The following WDR1 variants were observed in gnomAD, a reference collection of about 807,000 sequenced individuals.
WDR1 encodes the protein WD repeat domain 1.
WDR1 carries 21 observed loss-of-function variants against 71.9 expected under a neutral mutation model. The ratio of observed to expected loss-of-function variants is 0.29; its 90% confidence interval spans 0.21 to 0.42. The LOEUF is 0.42. WDR1 is among the 10% of genes least tolerant of loss of function. The probability of loss-of-function intolerance (pLI) is 1.00; values close to 1 mark genes in which losing one functional copy is unlikely to be tolerated. For missense variants in WDR1, 696 were observed against 824.5 expected, an observed-to-expected ratio of 0.84 and a Z score of 1.91; for synonymous variants, 424 against 347.4, an observed-to-expected ratio of 1.22 and a Z score of -2.45.
intron 2 of WDR1, among the ~76,000 whole-genome samples, chr4:10,112,831 T>C (rs1713466687): frequency 6.6e-6 from 1 of 152,208 alleles, no homozygotes; most frequent in Admixed American, 6.5e-5. Context: ...GACACTCTCT[T>C]AGGCGAGGAC....
intron 6 of WDR1, 119 bp downstream of exon 6, chr4:10,088,545 G>T (rs746146721): frequency 8.9e-7 from 1 of 1,127,210 alleles, no homozygotes; most frequent in Admixed American, 2.0e-5. Context: ...GCAGATGTGG[G>T]GAGGGCGATG....
intron 2 of WDR1, among the ~76,000 whole-genome samples, chr4:10,111,514 C>T (rs775179354): frequency 6.6e-5 from 10 of 152,336 alleles, no homozygotes; most frequent in African/African-American, 9.6e-5. Flanking sequence ...GATAATCCAA[C>T]GCACCACTTC....
At chr4:10,094,062 G>C (rs1290895243) in intron 5 of WDR1, among the ~76,000 whole-genome samples, 1 of 152,194 alleles carries the variant, frequency 6.6e-6, no homozygotes, top group Non-Finnish European at 1.5e-5. Context: ...TGGAACAGAG[G>C]GAGCAGTGGC....
chr4:10,100,517 G>A (rs931984361), intron 3 of WDR1, among the ~76,000 whole-genome samples: 3 of 152,244 alleles, frequency 2.0e-5, no homozygotes, highest in Non-Finnish European at 2.9e-5. Context: ...GACACAGCCC[G>A]AGCCTAGACT....
intron 12 of WDR1, among the ~76,000 whole-genome samples, chr4:10,078,452 C>T (rs1764882614): frequency 1.3e-5 from 2 of 152,194 alleles, no homozygotes; most frequent in Non-Finnish European, 2.9e-5. Flanking sequence ...CTGGTTAGTA[C>T]CGCACCTTGA....
chr4:10,084,465 A>G lies in WDR1; in HGVS notation c.1017T>C (p.Ser339=). Residue 339 remains serine (S), a synonymous_variant, in exon 9 of 15, where the codon TCT becomes TCC. Transcript: ENST00000499869. ...HKNGGKSYIY[S]GSHDGHINYW... ...TATTAATGTGTCCGTCGTGGCTCCC[A>G]GAGTAAATGTAGGACTTGCCGCCGT... 1 of 1,613,802 alleles carries G rather than the reference A, an allele frequency of 6.2e-7. No individual in the cohort carries two copies. The highest frequency in any genetic ancestry group is 8.5e-7 in the Non-Finnish European group (1 of 1,179,788).
intron 5 of WDR1, chr4:10,092,815 G>A: frequency 2.9e-6 from 1 of 346,780 alleles, no homozygotes; most frequent in Non-Finnish European, 5.8e-6. Context: ...AGGGGCAGCA[G>A]CTTCCTGAGG....
intron 14 of WDR1, chr4:10,076,803 A>G (rs1415673069): frequency 6.4e-6 from 1 of 155,930 alleles, no homozygotes; most frequent in African/African-American, 2.4e-5. Flanking sequence ...TTTGGACAAC[A>G]CAGAGCTGCC....
intron 2 of WDR1, among the ~76,000 whole-genome samples, chr4:10,105,181 A>C (rs1004892910): frequency 2.6e-5 from 4 of 151,900 alleles, no homozygotes; most frequent in East Asian, 1.9e-4. Flanking sequence ...ATCCGTATCA[A>C]CTCTTCTGTG....
chr4:10,102,761 T>C (rs569516595), intron 3 of WDR1, among the ~76,000 whole-genome samples: 3 of 152,270 alleles, frequency 2.0e-5, no homozygotes, highest in Non-Finnish European at 2.9e-5. Flanking sequence ...GGTACAAGCA[T>C]AGGGCCACGG....
chr4:10,115,956 TTCCGGGGC>T, intron 2 of WDR1, 149 bp downstream of exon 2: 1 of 996,632 alleles, frequency 1.0e-6, no homozygotes, highest in Middle Eastern at 3.3e-4. Flanking sequence ...TGAGGCCGGC[TTCCGGGGC>T]TCCGAGGTGT....
chr4:10,100,724 G>A (rs922125904), intron 3 of WDR1, among the ~76,000 whole-genome samples: 3 of 152,204 alleles, frequency 2.0e-5, no homozygotes, highest in African/African-American at 7.2e-5. Context: ...AAGGTGACCT[G>A]GAGATCTGCT....
intron 2 of WDR1, among the ~76,000 whole-genome samples, chr4:10,114,914 G>A (rs1473827471): frequency 6.6e-6 from 1 of 152,228 alleles, no homozygotes; most frequent in East Asian, 1.9e-4. Flanking sequence ...TAACGAGACA[G>A]ATGCGGGCAG....
intron 11 of WDR1, among the ~76,000 whole-genome samples, chr4:10,079,555 C>T (rs1764936142): frequency 6.6e-6 from 1 of 152,372 alleles, no homozygotes; most frequent in East Asian, 1.9e-4. Flanking sequence ...GCCTCTGGTA[C>T]ATGCAGCAGA....
intron 2 of WDR1, chr4:10,106,616 C>A (rs1384477447): frequency 6.6e-6 from 1 of 152,250 alleles, no homozygotes; most frequent in Non-Finnish European, 1.5e-5. Context: ...GATGCCTGGG[C>A]AGGGGCATGA....
chr4:10,114,518 C>G (rs369475748), intron 2 of WDR1, among the ~76,000 whole-genome samples: 1 of 152,228 alleles, frequency 6.6e-6, no homozygotes. Context: ...AGGCCCCCTC[C>G]CTGGAAGTCA....
chr4:10,087,402 C>A (rs1361966159), intron 8 of WDR1, among the ~76,000 whole-genome samples: 1 of 152,270 alleles, frequency 6.6e-6, no homozygotes, highest in Non-Finnish European at 1.5e-5. Flanking sequence ...CAGAGCCCTG[C>A]AGGAAGTAAC....
Position 10,074,389 on chromosome 4 carries a change from CAA to C in WDR1, c.*987_*988del, listed in dbSNP as rs1311902778. On this transcript the variant is annotated 3_prime_UTR_variant, in exon 15 of 15. Coordinates refer to ENST00000499869, the MANE Select transcript of WDR1 (RefSeq NM_017491.5). Reference sequence around the variant, plus strand: ...TCTCAGGCTAATCTCTTAAAGCGCTCAAAGTGTTTTCACAAGTGCAAGGGGAG... The same window carrying C: ...TCTCAGGCTAATCTCTTAAAGCGCTCAGTGTTTTCACAAGTGCAAGGGGAG... 5 of 152,560 alleles carry C rather than the reference CAA, an allele frequency of 3.3e-5. No homozygotes were observed. Among genetic ancestry groups the C allele is most frequent in the African/African-American group, 1.2e-4 (5 of 41,434 alleles). 9.5% of individuals were successfully genotyped at this position (152,560 alleles called of 1,614,324 possible).
At chr4:10,086,815 G>A (rs1711604045) in intron 8 of WDR1, among the ~76,000 whole-genome samples, 1 of 152,184 alleles carries the variant, frequency 6.6e-6, no homozygotes, top group South Asian at 2.1e-4. Flanking sequence ...ATAGCAGGAG[G>A]GGTCACCCAC....
Sources: gnomAD v4.1 joint callset for allele counts (sites outside exome capture counted in the v4.1 genomes callset) on GRCh38, gnomAD v4.1.1 for gene constraint, MANE v1.5 for transcripts, NCBI Gene and HGNC (gene_info 2026-07-23, HGNC 2026-07-21) for gene names.